PDZD2: variants seen among roughly 807,000 people sequenced by gnomAD.
PDZD2 encodes the protein PDZ domain-containing protein 2.
In PDZD2, 90 loss-of-function variants were observed where a neutral mutation model predicts 220.7. That is an observed-to-expected ratio of 0.41 (90% CI 0.34 to 0.49). PDZD2 has a LOEUF of 0.49. Ranked by LOEUF, PDZD2 falls within the 20% of genes least tolerant of loss-of-function variation. The pLI, the probability that PDZD2 is intolerant of heterozygous loss-of-function variation, is 0.28. For synonymous variants in PDZD2, 1,375 were observed against 1,450.5 expected (o/e 0.95, Z 1.18); for missense variants, 3,174 against 3,608.5 (o/e 0.88, Z 3.08).
Position 31,724,215 on chromosome 5 carries a change from T to G in PDZD2, c.-360-74674T>G, listed in dbSNP as rs537544117. On this transcript the variant is annotated intron_variant, in intron 1 of 24. Transcript: ENST00000438447. Reference sequence around the variant, plus strand: ...TTGGCCATCATCAACCTGCTCAAATTTTAAGGTGAGCTTTTGTGATGTTTT... The same window carrying G: ...TTGGCCATCATCAACCTGCTCAAATGTTAAGGTGAGCTTTTGTGATGTTTT... Among the ~76,000 whole-genome samples, 3 of 152,248 alleles carry G rather than the reference T, an allele frequency of 2.0e-5. No homozygotes were observed. The East Asian group carries it at 5.8e-4, about 29-fold the overall frequency.
At chr5:31,813,266 C>T (rs1055848809) in intron 2 of PDZD2, among the ~76,000 whole-genome samples, 2 of 151,846 alleles carry the variant, frequency 1.3e-5, no homozygotes, top group Non-Finnish European at 2.9e-5. Context: ...CTGGCTAACA[C>T]GGTGAAACCC....
Position 32,098,416 on chromosome 5 carries a change from G to A in PDZD2, c.8000G>A (p.Arg2667Gln), listed in dbSNP as rs146240060. 594 of 1,614,126 alleles carry A rather than the reference G, an allele frequency of 3.7e-4. 1 individual carries two copies. In the African/African-American group the frequency reaches 6.9e-3, roughly 19 times the overall value. ...GCTTCTCAGGAAGGGACTATGAACC[G>A]AGGGGATTTCCTTCTGTCAGTCAAC... ...GAASQEGTMN[R>Q]GDFLLSVNGA... is the part of the protein sequence containing the mutation. Residue 2667 changes from arginine (R) to glutamine (Q), a missense_variant, in exon 23 of 25, where the codon CGA (arginine) becomes CAA (glutamine). Around this residue, in one of 4 missense-constraint regions of PDZD2, gnomAD observed 631 missense variants for 789.9 expected, o/e 0.80. Coordinates refer to ENST00000438447, the MANE Select transcript of PDZD2 (RefSeq NM_178140.4). The surrounding 1 kb of genome is among the most constrained non-coding windows in gnomAD (Gnocchi z 4.1).
intron 2 of PDZD2, among the ~76,000 whole-genome samples, chr5:31,841,878 G>A (rs1368170707): frequency 2.6e-5 from 4 of 152,064 alleles, no homozygotes; most frequent in Non-Finnish European, 5.9e-5. Flanking sequence ...GGCTGAGGCA[G>A]GAGAATCGCT....
At chr5:32,050,598 T>C (rs948628383) in intron 8 of PDZD2, among the ~76,000 whole-genome samples, 2 of 152,144 alleles carry the variant, frequency 1.3e-5, no homozygotes, top group African/African-American at 4.8e-5. Context: ...GGTGAGAGAA[T>C]TGCCTGAGCC....
At chr5:32,037,031 G>A (rs536285561) in intron 6 of PDZD2, among the ~76,000 whole-genome samples, 200 bp from the exon 7 acceptor site, 12 of 152,360 alleles carry the variant, frequency 7.9e-5, no homozygotes, top group South Asian at 4.1e-4. Flanking sequence ...GGTGAGACGC[G>A]TGCTGAGGAG....
chr5:31,831,769 C>A (rs557238640), intron 2 of PDZD2, among the ~76,000 whole-genome samples: 2 of 148,892 alleles, frequency 1.3e-5, no homozygotes, highest in South Asian at 4.2e-4. Flanking sequence ...AAAAAATTAG[C>A]TGGGCGTGGT....
chr5:32,107,992 A>C lies in PDZD2; in HGVS notation c.8377A>C (p.Ile2793Leu). 6.2e-7 allele frequency: 1 copy of C among 1,613,476 alleles called. No individual in the cohort carries two copies. Among genetic ancestry groups the C allele is most frequent in the Non-Finnish European group, 8.5e-7 (1 of 1,179,428 alleles). The change falls in exon 25 of 25, where the codon ATA becomes CTA. Residue 2793 changes from isoleucine (I) to leucine (L), a missense_variant. Transcript: ENST00000438447. ...AGGTGGTGCGGCTGAACAAGCTGGA[A>C]TAATAGAAGCTGGAGATGAAATTCT... The part of the protein sequence containing the change: ...YKGGAAEQAG[I>L]IEAGDEILAI...
intron 2 of PDZD2, chr5:31,936,128 A>G: frequency 1.0e-6 from 1 of 986,472 alleles, no homozygotes; most frequent in South Asian, 4.7e-5. Context: ...GGGAGGAGAG[A>G]GAGAGAATCT....
chr5:32,060,621 A>T (rs1244647850), intron 13 of PDZD2, among the ~76,000 whole-genome samples: 8 of 152,158 alleles, frequency 5.3e-5, no homozygotes, highest in African/African-American at 1.9e-4. Flanking sequence ...GACCCCTCTG[A>T]GCCTGTGTTC....
At chr5:31,690,950 G>A (rs948669482) in intron 1 of PDZD2, among the ~76,000 whole-genome samples, 27 of 152,256 alleles carry the variant, frequency 1.8e-4, no homozygotes, top group African/African-American at 5.1e-4. Flanking sequence ...TAAAAAGTAC[G>A]GGCGAGTCTA....
chr5:31,665,922 A>G (rs58950136), intron 1 of PDZD2, among the ~76,000 whole-genome samples: 11,510 of 152,254 alleles, frequency 0.076, 475 homozygotes, highest in Middle Eastern at 0.11. Context: ...GGGAGCCATA[A>G]GGTGATAGGG....
intron 2 of PDZD2, among the ~76,000 whole-genome samples, chr5:31,817,362 T>C (rs912702054): frequency 6.6e-6 from 1 of 150,742 alleles, no homozygotes; most frequent in Admixed American, 6.6e-5. Context: ...GCCGTGGTGG[T>C]GGATCCCTGT....
At chr5:31,671,760 A>T (rs962683831) in intron 1 of PDZD2, among the ~76,000 whole-genome samples, 9 of 152,230 alleles carry the variant, frequency 5.9e-5, no homozygotes, top group South Asian at 2.1e-4. Context: ...CATGCAGATC[A>T]CATGGAGAGC....
intron 2 of PDZD2, among the ~76,000 whole-genome samples, chr5:31,869,073 A>G (rs1416643494): frequency 6.6e-6 from 1 of 152,168 alleles, no homozygotes; most frequent in East Asian, 1.9e-4. Flanking sequence ...ATACCCAGCC[A>G]AAGGTCAGTT....
intron 2 of PDZD2, among the ~76,000 whole-genome samples, chr5:31,897,526 A>G (rs1741676656): frequency 6.6e-6 from 1 of 152,176 alleles, no homozygotes; most frequent in Non-Finnish European, 1.5e-5. Context: ...TTGAGATCCC[A>G]GTTGTCACTG....
At chr5:31,823,030 C>T (rs1755983230) in intron 2 of PDZD2, 2 of 1,177,806 alleles carry the variant, frequency 1.7e-6, no homozygotes, top group Admixed American at 3.6e-5. Context: ...ATTGAAGTCC[C>T]TCCGCAGGGT....
At chr5:32,011,278 C>A (rs1392883391) in intron 6 of PDZD2, among the ~76,000 whole-genome samples, 1 of 150,170 alleles carries the variant, frequency 6.7e-6, no homozygotes, top group Admixed American at 6.7e-5. Flanking sequence ...TGCTTGAGCT[C>A]AGGAGTCGGA....
intron 6 of PDZD2, among the ~76,000 whole-genome samples, chr5:32,027,932 T>G (rs994592982): frequency 6.6e-6 from 1 of 151,596 alleles, no homozygotes; most frequent in Non-Finnish European, 1.5e-5. Context: ...GACTGAAGCC[T>G]GAAAGGGAAA....
intron 1 of PDZD2, among the ~76,000 whole-genome samples, chr5:31,754,996 T>C (rs191358986): frequency 6.6e-6 from 1 of 152,282 alleles, no homozygotes; most frequent in African/African-American, 2.4e-5. Flanking sequence ...AAACTCAACA[T>C]TGATGTTATA....
Sources: allele counts gnomAD v4.1 joint callset (sites outside exome capture counted in the v4.1 genomes callset), GRCh38; gene constraint gnomAD v4.1.1; regional missense constraint gnomAD v4.1.1; non-coding constraint Gnocchi (gnomAD v3.1); transcripts MANE v1.5; gene names NCBI Gene and HGNC (gene_info 2026-07-23, HGNC 2026-07-21).